SQOR: variants seen among roughly 807,000 people sequenced by gnomAD.
SQOR encodes the protein sulfide:quinone oxidoreductase, mitochondrial.
Under a neutral mutation model 48.6 loss-of-function variants are expected in SQOR, and 39 were observed. The ratio of observed to expected loss-of-function variants is 0.80; its 90% CI spans 0.62 to 1.05. SQOR has a LOEUF of 1.05. Ranked by LOEUF, SQOR falls within the 50% of genes least tolerant of loss-of-function variation. SQOR has a pLI of 0.00. For missense variants in SQOR, 561 were observed against 559.9 expected, an observed-to-expected ratio of 1.00 and a Z score of -0.02; for synonymous variants, 220 against 206.2, an observed-to-expected ratio of 1.07 and a Z score of -0.57.
rs1027364226 is a variant in SQOR, at chr15:45,661,855, C to T, written c.235-100C>T. The T allele has an allele frequency of 7.9e-6, 10 of 1,260,156 alleles. 1 individual carries two copies. Among genetic ancestry groups the T allele is most frequent in the Middle Eastern group, 2.6e-4 (1 of 3,864 alleles). 78.1% of individuals were successfully genotyped at this position (1,260,156 alleles called of 1,614,324 possible). A position where few individuals can be genotyped will look rare whatever the true frequency, so the allele number is the denominator to read the frequency against. On this transcript the variant is annotated intron_variant, in intron 2 of 9. Coordinates refer to ENST00000260324, the MANE Select transcript of SQOR (RefSeq NM_021199.4). ...CTTTTCCATACGATGCTCTAAAGGTCAGGAGGGAGTGATTGAAAGAATCTA... is the reference window on the plus strand; with the variant it reads ...CTTTTCCATACGATGCTCTAAAGGTTAGGAGGGAGTGATTGAAAGAATCTA...
chr15:45,658,552 C>T (rs905290386), intron 1 of SQOR, among the ~76,000 whole-genome samples: 5 of 152,126 alleles, frequency 3.3e-5, no homozygotes, highest in African/African-American at 4.8e-5. Flanking sequence ...GGAGAATGGG[C>T]CAACAGCTGG....
At chr15:45,652,996 C>G (rs1331725757) in intron 1 of SQOR, among the ~76,000 whole-genome samples, 1 of 151,892 alleles carries the variant, frequency 6.6e-6, no homozygotes, top group Admixed American at 6.6e-5. Flanking sequence ...GTGGCTGTTG[C>G]TTCCTTCAAT....
intron 1 of SQOR, among the ~76,000 whole-genome samples, chr15:45,654,614 A>G (rs1889560791): frequency 6.6e-6 from 1 of 152,212 alleles, no homozygotes; most frequent in Admixed American, 6.5e-5. Context: ...TGAAGTGGCT[A>G]CATTGACTGG....
chr15:45,635,545 G>A (rs1894987879), intron 1 of SQOR, among the ~76,000 whole-genome samples: 1 of 152,146 alleles, frequency 6.6e-6, no homozygotes, highest in Non-Finnish European at 1.5e-5. Flanking sequence ...GGACAGAGGG[G>A]GCGCTCGAGG....
chr15:45,670,895 G>T (rs375241590), intron 4 of SQOR, among the ~76,000 whole-genome samples: 2 of 152,142 alleles, frequency 1.3e-5, no homozygotes, highest in Non-Finnish European at 2.9e-5. Flanking sequence ...TGAAGTAGAC[G>T]ATATGGAGAA....
At chr15:45,647,573 C>T (rs964888600) in intron 1 of SQOR, among the ~76,000 whole-genome samples, 2 of 151,910 alleles carry the variant, frequency 1.3e-5, no homozygotes, top group Non-Finnish European at 2.9e-5. Flanking sequence ...GCAGTGCGCC[C>T]GCCTTGGCCT....
Position 45,661,976 on chromosome 15 carries a change from T to A in SQOR, c.256T>A (p.Trp86Arg). 1.9e-6 allele frequency: 3 copies of A among 1,614,094 alleles called. No individual in the cohort carries two copies. The highest frequency in any genetic ancestry group is 2.5e-6 in the Non-Finnish European group (3 of 1,179,980). The change falls in exon 3 of 10, where the codon TGG (tryptophan) becomes AGG (arginine). Residue 86 changes from tryptophan to arginine, a missense_variant. Transcript: ENST00000260324. ...PSERHFYQPI[W>R]TLVGAGAKQL... The stretch of plus-strand genomic sequence containing the variant: ...TCAGAGACATTTCTACCAGCCAATC[T>A]GGACACTGGTGGGTGCTGGTGCCAA...
chr15:45,687,009 T>C (rs1271374951), intron 7 of SQOR, among the ~76,000 whole-genome samples: 1 of 152,148 alleles, frequency 6.6e-6, no homozygotes, highest in Non-Finnish European at 1.5e-5. Context: ...GGTTTCACCA[T>C]GTTGGCCAGG....
chr15:45,675,876 A>T (rs1445342203), intron 5 of SQOR, among the ~76,000 whole-genome samples: 1 of 152,070 alleles, frequency 6.6e-6, no homozygotes, highest in Non-Finnish European at 1.5e-5. Flanking sequence ...CTTCAGCTGG[A>T]CAGTGCCCAC....
rs1248905571 is a variant in SQOR, at chr15:45,681,171, C to T, written c.865-1307C>T. ...TGAGCTATGATCAAGCCACTGTCCT[C>T]CAGTCTGGCAACAGAGTGAAACACT... is the stretch of plus-strand genomic sequence containing the variant. On this transcript the variant is annotated intron_variant, in intron 6 of 9. Coordinates refer to ENST00000260324, the MANE Select transcript of SQOR (RefSeq NM_021199.4). Among the ~76,000 whole-genome samples the T allele has an allele frequency of 3.9e-5, 6 of 152,330 alleles. No homozygotes were observed. The East Asian group carries it at 9.6e-4, about 24-fold the overall frequency.
At chr15:45,665,861 G>A (rs1889807445) in intron 3 of SQOR, among the ~76,000 whole-genome samples, 1 of 152,200 alleles carries the variant, frequency 6.6e-6, no homozygotes, top group Non-Finnish European at 1.5e-5. Flanking sequence ...TGGGATTACA[G>A]GTGTGAGCCA....
At chr15:45,662,524 G>A (rs1889738970) in intron 3 of SQOR, among the ~76,000 whole-genome samples, 1 of 152,164 alleles carries the variant, frequency 6.6e-6, no homozygotes, top group South Asian at 2.1e-4. Flanking sequence ...ACAATAGGAT[G>A]CTGGAAAATA....
At chr15:45,638,516 A>G (rs1895046974) in intron 1 of SQOR, among the ~76,000 whole-genome samples, 1 of 152,136 alleles carries the variant, frequency 6.6e-6, no homozygotes, top group African/African-American at 2.4e-5. Context: ...TGAGGCTGGG[A>G]GTTTGAGGCC....
At chr15:45,677,148 A>G (rs569392863) in intron 6 of SQOR, among the ~76,000 whole-genome samples, 1 of 152,196 alleles carries the variant, frequency 6.6e-6, no homozygotes, top group Admixed American at 6.5e-5. Context: ...GTAGAATTTT[A>G]CCATTTGCTT....
chr15:45,678,503 C>T (rs537046961), intron 6 of SQOR, among the ~76,000 whole-genome samples: 79 of 152,084 alleles, frequency 5.2e-4, no homozygotes, highest in African/African-American at 1.8e-3. Flanking sequence ...TGGATTTGGT[C>T]AGTAGATTTC....
intron 4 of SQOR, among the ~76,000 whole-genome samples, chr15:45,672,827 A>G (rs1427128715): frequency 6.6e-6 from 1 of 152,214 alleles, no homozygotes; most frequent in Non-Finnish European, 1.5e-5. Flanking sequence ...TTCTGCCTAC[A>G]ACCCTGTGAA....
At chr15:45,654,733 A>C (rs1889562867) in intron 1 of SQOR, among the ~76,000 whole-genome samples, 1 of 152,148 alleles carries the variant, frequency 6.6e-6, no homozygotes. Flanking sequence ...AGAAAGAAAA[A>C]CAACTCTCTC....
At chr15:45,682,838 G>T (rs1199853861) in intron 7 of SQOR, among the ~76,000 whole-genome samples, 177 bp downstream of exon 7, 2 of 152,074 alleles carry the variant, frequency 1.3e-5, no homozygotes, top group African/African-American at 2.4e-5. Flanking sequence ...GACCAGCCTG[G>T]CCAACATGGT....
At chr15:45,685,129 A>G (rs943414993) in intron 7 of SQOR, among the ~76,000 whole-genome samples, 1 of 152,186 alleles carries the variant, frequency 6.6e-6, no homozygotes, top group Non-Finnish European at 1.5e-5. Context: ...AATTTTTGCC[A>G]TTAAGAGGAG....
Sources: allele counts gnomAD v4.1 joint callset (sites outside exome capture counted in the v4.1 genomes callset), GRCh38; gene constraint gnomAD v4.1.1; transcripts MANE v1.5; gene names NCBI Gene and HGNC (gene_info 2026-07-23, HGNC 2026-07-21).